KLKB1: variants seen among roughly 807,000 people sequenced by gnomAD.
KLKB1 encodes kallikrein B1, also known as plasma kallikrein.
KLKB1 carries 58 observed loss-of-function variants against 73.6 expected under a neutral mutation model. The ratio of observed to expected loss-of-function variants is 0.79; its 90% CI spans 0.64 to 0.98. The LOEUF (loss-of-function observed/expected upper bound fraction) is 0.98. KLKB1 is among the 50% of genes least tolerant of loss of function. KLKB1 has a pLI of 0.00. For synonymous variants in KLKB1, 280 were observed against 258.1 expected (o/e 1.08, Z -0.81); for missense variants, 737 against 763.8 (o/e 0.96, Z 0.41).
chr4:186,257,798 GCA>G (rs934749474), intron 14 of KLKB1, among the ~76,000 whole-genome samples: 1 of 149,646 alleles, frequency 6.7e-6, no homozygotes, highest in Non-Finnish European at 1.5e-5. Flanking sequence ...GCAAGGTCTT[GCA>G]CACACACAGC....
At chr4:186,246,651 T>C (rs908044688) in intron 6 of KLKB1, among the ~76,000 whole-genome samples, 1 of 150,788 alleles carries the variant, frequency 6.6e-6, no homozygotes, top group African/African-American at 2.4e-5. Flanking sequence ...GAAGGAGGAA[T>C]GGAGGGTGGA....
chr4:186,233,814 T>G, intron 3 of KLKB1, 138 bp from the exon 4 acceptor site: 1 of 682,548 alleles, frequency 1.5e-6, no homozygotes, highest in South Asian at 1.7e-5. Context: ...TCTAAGAGTG[T>G]TCTTTCCAGC....
rs2126683332 is a variant in KLKB1, at chr4:186,258,235, AT to A, written c.*28del. On this transcript the variant is annotated 3_prime_UTR_variant, in exon 15 of 15. Coordinates refer to ENST00000264690, the MANE Select transcript of KLKB1 (RefSeq NM_000892.5). ...TGAGAAGCAGTCCAGAGTCTAGGCA[AT>A]TTTTACAACCTGAGTTCAAGTCAAA... is the stretch of plus-strand genomic sequence containing the variant. The A allele has an allele frequency of 6.2e-7, 1 of 1,605,584 alleles. No homozygotes were observed. The highest frequency in any genetic ancestry group is 8.5e-7 in the Non-Finnish European group (1 of 1,174,420).
chr4:186,235,430 G>C (rs961504905), intron 4 of KLKB1, among the ~76,000 whole-genome samples: 2 of 152,054 alleles, frequency 1.3e-5, no homozygotes, highest in South Asian at 4.1e-4. Context: ...TAGAGCTTCC[G>C]TATGAACACT....
intron 6 of KLKB1, among the ~76,000 whole-genome samples, chr4:186,242,299 A>C (rs1422936757): frequency 1.4e-5 from 2 of 147,974 alleles, no homozygotes; most frequent in South Asian, 2.2e-4. Flanking sequence ...GTATACGTGC[A>C]GGCCTGGGCC....
intron 2 of KLKB1, among the ~76,000 whole-genome samples, chr4:186,215,280 C>T (rs867015199): frequency 3.1e-4 from 47 of 150,614 alleles, no homozygotes; most frequent in African/African-American, 1.1e-3. Context: ...ACAGGAGTAT[C>T]TATTGGGCAC....
chr4:186,240,300 ATATAGT>A (rs72171168), intron 6 of KLKB1, among the ~76,000 whole-genome samples: 1,826 of 151,924 alleles, frequency 0.012, 18 homozygotes, highest in Non-Finnish European at 0.02. Flanking sequence ...TAGGACAGTG[ATATAGT>A]TATAGGACAG....
chr4:186,215,261 T>A lies in KLKB1; in HGVS notation c.201+5989T>A, dbSNP rs532141841. Among the ~76,000 whole-genome samples, 1,434 of 143,592 alleles carry A rather than the reference T, an allele frequency of 1.0e-2. 25 individuals carry two copies. Among genetic ancestry groups the A allele is most frequent in the African/African-American group, 0.038 (1,346 of 35,502 alleles). The allele number at this position is 143,592 out of a possible 152,430, so 94.2% of individuals were successfully genotyped here. A position where few individuals can be genotyped will look rare whatever the true frequency, so the allele number is the denominator to read the frequency against. On this transcript the variant is annotated intron_variant, in intron 2 of 14. Transcript: ENST00000511608. Reference sequence around the variant, plus strand: ...GCTGAATAGTAAAAAAAAAAAAAAATATGTAGGCACAGGAGTATCTATTGG... The same window carrying A: ...GCTGAATAGTAAAAAAAAAAAAAAAAATGTAGGCACAGGAGTATCTATTGG...
At chr4:186,257,803 C>G (rs978431004) in intron 14 of KLKB1, among the ~76,000 whole-genome samples, 1 of 151,404 alleles carries the variant, frequency 6.6e-6, no homozygotes, top group Admixed American at 6.6e-5. Context: ...GTCTTGCACA[C>G]ACACAGCACT....
chr4:186,229,836 G>T (rs549825168), intron 2 of KLKB1, among the ~76,000 whole-genome samples: 4 of 152,310 alleles, frequency 2.6e-5, no homozygotes, highest in African/African-American at 9.6e-5. Context: ...TGATTCTTCT[G>T]CTGAACCAGA....
Position 186,258,184 on chromosome 4 carries a change from G to C in KLKB1, c.1889G>C (p.Gly630Ala). ...TTAGAGAAAACACAGAGCAGTGATG[G>C]AAAAGCTCAGATGCAGTCACCAGCA... ...WILEKTQSSD[G>A]KAQMQSPA is the part of the protein sequence containing the mutation. Residue 630 changes from glycine to alanine, a missense_variant, in exon 15 of 15, where the codon GGA becomes GCA. Physicochemically the swap from Gly to Ala is moderately conservative, Grantham distance 60 (BLOSUM62 0). Coordinates refer to ENST00000264690, the MANE Select transcript of KLKB1 (RefSeq NM_000892.5). The C allele has an allele frequency of 6.2e-7, 1 of 1,614,116 alleles. No individual in the cohort carries two copies. Among genetic ancestry groups the C allele is most frequent in the Non-Finnish European group, 8.5e-7 (1 of 1,180,012 alleles).
At chr4:186,244,996 C>T (rs1321559068) in intron 6 of KLKB1, among the ~76,000 whole-genome samples, 1 of 152,014 alleles carries the variant, frequency 6.6e-6, no homozygotes, top group Admixed American at 6.6e-5. Context: ...GTGAAGGAGG[C>T]TTTGAACTGG....
At chr4:186,247,083 C>T (rs867875308) in intron 6 of KLKB1, among the ~76,000 whole-genome samples, 5 of 152,080 alleles carry the variant, frequency 3.3e-5, no homozygotes, top group African/African-American at 1.2e-4. Flanking sequence ...AATTTAAAAT[C>T]GGTGAGATGT....
upstream of KLKB1, among the ~76,000 whole-genome samples, chr4:186,225,113 G>C (rs1159280708): frequency 6.6e-6 from 1 of 152,184 alleles, no homozygotes; most frequent in Admixed American, 6.5e-5. Flanking sequence ...CTGTGAGTCA[G>C]TTAAACCTCT....
At chr4:186,233,246 T>C (rs1316635205) in intron 3 of KLKB1, among the ~76,000 whole-genome samples, 1 of 152,248 alleles carries the variant, frequency 6.6e-6, no homozygotes, top group Non-Finnish European at 1.5e-5. Flanking sequence ...AGAGAGATGC[T>C]TATTAATCAC....
intron 2 of KLKB1, among the ~76,000 whole-genome samples, chr4:186,220,402 C>T (rs943072558): frequency 1.3e-5 from 2 of 152,138 alleles, no homozygotes; most frequent in African/African-American, 4.8e-5. Flanking sequence ...CAATGTTGTA[C>T]ATTAGATCCT....
chr4:186,238,011 A>G lies in KLKB1; in HGVS notation c.489-245A>G, dbSNP rs1051919475. Among the ~76,000 whole-genome samples, 13 of 152,122 alleles carry G rather than the reference A, an allele frequency of 8.5e-5. No individual in the cohort carries two copies. In the South Asian group the frequency reaches 1.0e-3, roughly 12 times the overall value. On this transcript the variant is annotated intron_variant, in intron 5 of 14. Transcript: ENST00000264690. ...TCCTGAAGTTCCGTTTGCCCCACAC[A>G]TAGGCCTTGCTTATAGAATGAGGGT... is the stretch of plus-strand genomic sequence containing the variant.
Position 186,232,262 on chromosome 4 carries a change from C to A in KLKB1, c.194C>A (p.Ala65Glu). ...PRCLLFSFLP[A>E]SSINDMEKRF... ...TGTTTGCTATTCAGTTTTCTTCCAG[C>A]AAGTTCAATCAATGACATGGAGAAA... Residue 65 changes from alanine to glutamate, a missense_variant, in exon 3 of 15, where the codon GCA (alanine) becomes GAA (glutamate). By Grantham distance (107) the Ala-to-Glu change is moderately radical (BLOSUM62 -1). Coordinates refer to ENST00000264690, the MANE Select transcript of KLKB1 (RefSeq NM_000892.5). 3 of 1,614,078 alleles carry A rather than the reference C, an allele frequency of 1.9e-6. No homozygotes were observed. Among genetic ancestry groups the A allele is most frequent in the South Asian group, 1.1e-5 (1 of 91,076 alleles).
At chr4:186,248,503 G>A (rs1738500307) in intron 6 of KLKB1, among the ~76,000 whole-genome samples, 1 of 148,886 alleles carries the variant, frequency 6.7e-6, no homozygotes, top group South Asian at 2.1e-4. Flanking sequence ...TCAATACTTT[G>A]TTCCTATTTA....
Sources: allele counts gnomAD v4.1 joint callset (sites outside exome capture counted in the v4.1 genomes callset), GRCh38; gene constraint gnomAD v4.1.1; transcripts MANE v1.5; gene names NCBI Gene and HGNC (gene_info 2026-07-23, HGNC 2026-07-21).